Variants in TBX5 observed in about 807,000 individuals in gnomAD.
The protein encoded by TBX5 is T-box transcription factor 5.
Under a neutral mutation model 51.1 loss-of-function variants are expected in TBX5, and 8 were observed. The ratio of observed to expected loss-of-function variants is 0.16; its 90% CI spans 0.09 to 0.28. The LOEUF (loss-of-function observed/expected upper bound fraction) is 0.28, where lower values mean the gene tolerates loss of function less well. Among genes scored for constraint, TBX5 ranks in the 10% least tolerant of loss-of-function variants. The pLI, the probability that TBX5 is intolerant of heterozygous loss-of-function variation, is 1.00. For synonymous variants in TBX5, 302 were observed against 266.4 expected, an observed-to-expected ratio of 1.13 and a Z score of -1.30; for missense variants, 589 against 671.7, an observed-to-expected ratio of 0.88 and a Z score of 1.36.
At chr12:114,384,222 A>G (rs1243646976) in intron 7 of TBX5, among the ~76,000 whole-genome samples, 2 of 152,126 alleles carry the variant, frequency 1.3e-5, no homozygotes, top group African/African-American at 4.8e-5. Context: ...GTGTGCACAG[A>G]TGTACCACAC....
At chr12:114,382,521 A>G (rs1037745512) in intron 7 of TBX5, among the ~76,000 whole-genome samples, 4 of 152,172 alleles carry the variant, frequency 2.6e-5, no homozygotes, top group Admixed American at 2.0e-4. Flanking sequence ...AATTTAGGCT[A>G]GGCGTGGTGG....
chr12:114,359,610 A>G (rs1284982019), intron 8 of TBX5, among the ~76,000 whole-genome samples: 1 of 152,196 alleles, frequency 6.6e-6, no homozygotes, highest in Non-Finnish European at 1.5e-5. Context: ...CTGACCACTC[A>G]TTATGGCATG....
intron 6 of TBX5, among the ~76,000 whole-genome samples, chr12:114,391,437 T>G (rs527582937): frequency 6.6e-6 from 1 of 152,344 alleles, no homozygotes; most frequent in East Asian, 1.9e-4. Context: ...ACTGATCTGC[T>G]AAGTAGTCAA....
intron 8 of TBX5, among the ~76,000 whole-genome samples, chr12:114,365,303 C>T (rs1289644254): frequency 6.6e-6 from 1 of 151,854 alleles, no homozygotes; most frequent in African/African-American, 2.4e-5. Context: ...TCCTGCATCA[C>T]GGCTTGTAAT....
chr12:114,357,058 G>A (rs1344189302), intron 8 of TBX5, among the ~76,000 whole-genome samples: 1 of 152,204 alleles, frequency 6.6e-6, no homozygotes, highest in East Asian at 1.9e-4. Flanking sequence ...ATGGATGAGT[G>A]GGAGGGAGCT....
intron 7 of TBX5, among the ~76,000 whole-genome samples, chr12:114,382,687 C>T (rs1870569573): frequency 6.6e-6 from 1 of 152,142 alleles, no homozygotes; most frequent in African/African-American, 2.4e-5. Flanking sequence ...ATTCCAGCTA[C>T]TCAGGAGGCT....
In TBX5 at chr12:114,403,806, C is replaced by G. The variant is rs780584178; in HGVS notation, c.93G>C (p.Ala31=). 3.1e-6 allele frequency: 5 copies of G among 1,614,066 alleles called. No individual in the cohort carries two copies. The highest frequency in any genetic ancestry group is 4.2e-6 in the Non-Finnish European group (5 of 1,180,024). Residue 31 remains alanine, a synonymous_variant, in exon 2 of 9, where the codon GCG becomes GCC. Transcript: ENST00000405440. ...DLPCDSKPES[A]LGAPSKSPSS... is the part of the protein sequence containing the mutation. ...ACGGGGACTTGCTGGGGGCCCCGAG[C>G]GCGCTCTCGGGTTTCGAATCGCAGG... is the stretch of plus-strand genomic sequence containing the variant.
In TBX5 at chr12:114,399,581, C is replaced by T. The variant is rs769736865; in HGVS notation, c.294G>A (p.Thr98=). The change falls in exon 4 of 9, where the codon ACG becomes ACA. Residue 98 remains threonine, a synonymous_variant. Transcript: ENST00000405440. The part of the protein sequence containing the change: ...KVKVTGLNPK[T]KYILLMDIVP... ...CAATGTCCATGAGAAGAATGTACTTCGTTTTGGGATTAAGGCCCGTCACCT... is the reference window on the plus strand; with the variant it reads ...CAATGTCCATGAGAAGAATGTACTTTGTTTTGGGATTAAGGCCCGTCACCT... 5.0e-6 allele frequency: 8 copies of T among 1,614,122 alleles called. No individual in the cohort carries two copies. The highest frequency in any genetic ancestry group is 6.8e-6 in the Non-Finnish European group (8 of 1,180,032).
chr12:114,372,925 T>A (rs995092228), intron 7 of TBX5, among the ~76,000 whole-genome samples: 1 of 151,758 alleles, frequency 6.6e-6, no homozygotes, highest in African/African-American at 2.4e-5. Context: ...AATAGCCACC[T>A]CTTTGGGGTT....
intron 7 of TBX5, among the ~76,000 whole-genome samples, chr12:114,383,205 C>A (rs1375251968): frequency 6.6e-6 from 1 of 152,042 alleles, no homozygotes; most frequent in African/African-American, 2.4e-5. Context: ...CTGGGGGAGA[C>A]ATGGGCTGAC....
chr12:114,398,343 G>A (rs1404307905), intron 5 of TBX5, among the ~76,000 whole-genome samples: 1 of 152,134 alleles, frequency 6.6e-6, no homozygotes, highest in African/African-American at 2.4e-5. Context: ...AAGTGAGAAG[G>A]TGAAAGAAGA....
intron 7 of TBX5, among the ~76,000 whole-genome samples, chr12:114,384,804 C>T (rs1281297987): frequency 1.3e-5 from 2 of 151,344 alleles, no homozygotes; most frequent in African/African-American, 4.9e-5. Context: ...AATTCGCTTG[C>T]CATATGGTAA....
chr12:114,380,515 G>A (rs2136392014), intron 7 of TBX5, among the ~76,000 whole-genome samples: 1 of 152,172 alleles, frequency 6.6e-6, no homozygotes, highest in Non-Finnish European at 1.5e-5. Context: ...GTCTCATTCT[G>A]AGCAATAACA....
chr12:114,369,064 T>C (rs1417527085), intron 7 of TBX5, among the ~76,000 whole-genome samples: 1 of 151,994 alleles, frequency 6.6e-6, no homozygotes, highest in African/African-American at 2.4e-5. Context: ...ATTATAAAAG[T>C]TGTCAAAACT....
intron 7 of TBX5, among the ~76,000 whole-genome samples, chr12:114,378,499 C>A (rs1870325549): frequency 6.6e-6 from 1 of 152,212 alleles, no homozygotes. Context: ...TCCCTCTGGG[C>A]CAGACACTGT....
At position 114,366,881 on chromosome 12, in the gene TBX5, T is replaced by A. The variant is rs79145861; in HGVS notation, c.756-490A>T. Among the ~76,000 whole-genome samples, 1,103 of 152,308 alleles carry A rather than the reference T, an allele frequency of 7.2e-3. 16 individuals carry two copies. Among genetic ancestry groups the A allele is most frequent in the African/African-American group, 0.025 (1,039 of 41,554 alleles). ...AACCTAGGAAGGTCAGGTATAATCC[T>A]AAGTTACTCTCATCTGGATAGATTG... On this transcript the variant is annotated intron_variant, in intron 7 of 8. Coordinates refer to ENST00000405440, the MANE Select transcript of TBX5 (RefSeq NM_181486.4).
chr12:114,393,572 G>A (rs754819861), intron 6 of TBX5, among the ~76,000 whole-genome samples: 1 of 152,070 alleles, frequency 6.6e-6, no homozygotes, highest in Non-Finnish European at 1.5e-5. Flanking sequence ...CTGACAAGTC[G>A]AGACAAACTT....
chr12:114,355,495 T>G lies in TBX5; in HGVS notation c.*37A>C. On this transcript the variant is annotated 3_prime_UTR_variant, in exon 9 of 9. Transcript: ENST00000405440. ...CTCTCTTTCTCCTCTCTCTCTCTCT[T>G]TCTCTAGGAAATGTCTGTTGTGAAG... 1 of 1,603,988 alleles carries G rather than the reference T, an allele frequency of 6.2e-7. No individual in the cohort carries two copies. Among genetic ancestry groups the G allele is most frequent in the African/African-American group, 1.3e-5 (1 of 74,842 alleles).
chr12:114,397,302 CA>C (rs1376885451), intron 5 of TBX5, among the ~76,000 whole-genome samples: 1 of 152,146 alleles, frequency 6.6e-6, no homozygotes, highest in Non-Finnish European at 1.5e-5. Context: ...TCTCTGCTCC[CA>C]AATACAAGCT....
Sources: allele counts gnomAD v4.1 joint callset (sites outside exome capture counted in the v4.1 genomes callset), GRCh38; gene constraint gnomAD v4.1.1; transcripts MANE v1.5; gene names NCBI Gene and HGNC (gene_info 2026-07-23, HGNC 2026-07-21).